Variants in LRSAM1 observed in about 807,000 individuals in gnomAD.
LRSAM1 encodes leucine rich repeat and sterile alpha motif containing 1, also known as E3 ubiquitin-protein ligase LRSAM1.
A neutral mutation model predicts 118.1 loss-of-function variants in LRSAM1; 96 were observed. The ratio of observed to expected loss-of-function variants is 0.81; its 90% CI spans 0.69 to 0.96. LRSAM1 has a LOEUF of 0.96. Among genes scored for constraint, LRSAM1 ranks in the 40% least tolerant of loss-of-function variants. LRSAM1 has a pLI of 0.00. For synonymous variants in LRSAM1, 322 were observed against 364.2 expected, an observed-to-expected ratio of 0.88 and a Z score of 1.32; for missense variants, 804 against 915.5, an observed-to-expected ratio of 0.88 and a Z score of 1.57.
intron 21 of LRSAM1, among the ~76,000 whole-genome samples, chr9:127,493,352 G>A (rs1052742408): frequency 1.6e-4 from 25 of 152,132 alleles, no homozygotes; most frequent in African/African-American, 6.0e-4. Flanking sequence ...ATGAGCCACC[G>A]CGCCTAGCCT....
chr9:127,479,107 A>G (rs1564269009), intron 12 of LRSAM1, 144 bp downstream of exon 12: 34 of 958,114 alleles, frequency 3.5e-5, no homozygotes, highest in Non-Finnish European at 4.2e-5. Flanking sequence ...AGTCTGCTGC[A>G]TCCTCACATG....
chr9:127,472,460 G>A (rs1019435545), intron 10 of LRSAM1, among the ~76,000 whole-genome samples: 1 of 151,862 alleles, frequency 6.6e-6, no homozygotes, highest in Non-Finnish European at 1.5e-5. Flanking sequence ...TTACCAACAT[G>A]CGGAAACCCT....
intron 10 of LRSAM1, among the ~76,000 whole-genome samples, chr9:127,469,690 G>A (rs1009231702): frequency 2.0e-5 from 3 of 151,584 alleles, no homozygotes; most frequent in South Asian, 4.2e-4. Context: ...TAGGCCGGGC[G>A]CGGTGGCTCG....
intron 21 of LRSAM1, among the ~76,000 whole-genome samples, chr9:127,494,681 C>T (rs570621152): frequency 2.0e-5 from 3 of 152,208 alleles, no homozygotes; most frequent in South Asian, 4.1e-4. Flanking sequence ...CAGTGGCTCA[C>T]GCCTGTAATC....
At chr9:127,479,736 T>C (rs1455529987) in intron 13 of LRSAM1, 103 bp from the exon 14 acceptor site, 32 of 1,497,364 alleles carry the variant, frequency 2.1e-5, no homozygotes, top group Non-Finnish European at 2.7e-5. Context: ...ACAAAAAGGA[T>C]TGGCAAGGCA....
chr9:127,496,898 G>T (rs2132115079), intron 23 of LRSAM1, among the ~76,000 whole-genome samples: 1 of 152,354 alleles, frequency 6.6e-6, no homozygotes, highest in Admixed American at 6.5e-5. Flanking sequence ...GGCCTCCAAG[G>T]CTTCTCTCCT....
At chr9:127,499,959 T>C (rs1005637014) in intron 24 of LRSAM1, among the ~76,000 whole-genome samples, 1 of 151,298 alleles carries the variant, frequency 6.6e-6, no homozygotes, top group Admixed American at 6.6e-5. Flanking sequence ...TTTCCTGTTA[T>C]AAAAAATAAT....
intron 10 of LRSAM1, among the ~76,000 whole-genome samples, chr9:127,472,239 C>T (rs541876340): frequency 3.3e-5 from 5 of 150,988 alleles, no homozygotes; most frequent in Admixed American, 6.6e-5. Context: ...GGATTACAGG[C>T]GTGAGACACC....
At chr9:127,457,709 G>A (rs948680550) in intron 6 of LRSAM1, among the ~76,000 whole-genome samples, 7 of 152,188 alleles carry the variant, frequency 4.6e-5, no homozygotes, top group Admixed American at 1.3e-4. Flanking sequence ...GAGGAGGGAC[G>A]CGCAGGTGAT....
intron 11 of LRSAM1, 100 bp from the exon 12 acceptor site, chr9:127,478,834 A>G: frequency 1.7e-6 from 2 of 1,177,220 alleles, no homozygotes; most frequent in Non-Finnish European, 2.6e-6. Flanking sequence ...GGTGGGCCAG[A>G]GTTTGTATAA....
intron 18 of LRSAM1, 111 bp from the exon 19 acceptor site, chr9:127,489,333 A>C: frequency 1.6e-6 from 2 of 1,274,658 alleles, no homozygotes; most frequent in South Asian, 2.6e-5. Flanking sequence ...CTCTCAGAAA[A>C]AACCCATCCA....
chr9:127,495,321 C>T lies in LRSAM1; in HGVS notation c.1601C>T (p.Thr534Met), dbSNP rs141542114. ...CATTGCCTGCTTCATTCCTGGCAGA[C>T]GGAGTTAGAAGCCAAAAGTGAAACC... is the stretch of plus-strand genomic sequence containing the variant. ...QREEELREILTELEAKSETRQ... is the reference protein window; with the variant it reads ...QREEELREILMELEAKSETRQ... Residue 534 changes from threonine to methionine, a missense_variant and splice_region_variant, in exon 22 of 26, where the codon ACG (threonine) becomes ATG (methionine). Thr to Met is a moderately conservative substitution (Grantham distance 81, BLOSUM62 -1). Coordinates refer to ENST00000300417, the MANE Select transcript of LRSAM1 (RefSeq NM_001005373.4). The T allele has an allele frequency of 1.5e-4, 248 of 1,613,710 alleles. No homozygotes were observed. Among genetic ancestry groups the T allele is most frequent in the East Asian group, 5.6e-4 (25 of 44,882 alleles).
chr9:127,457,218 TG>T (rs1226698611), intron 5 of LRSAM1, 97 bp from the exon 6 acceptor site: 1 of 1,325,438 alleles, frequency 7.5e-7, no homozygotes, highest in Non-Finnish European at 1.1e-6. Flanking sequence ...AGCAAGATGG[TG>T]GGGCGTGGCA....
At chr9:127,462,821 C>T (rs1210725389) in intron 9 of LRSAM1, among the ~76,000 whole-genome samples, 1 of 151,336 alleles carries the variant, frequency 6.6e-6, no homozygotes, top group Non-Finnish European at 1.5e-5. Flanking sequence ...CACATGTACT[C>T]CTGAGCTTAA....
Position 127,479,491 on chromosome 9 carries a change from C to T in LRSAM1, c.889C>T (p.Gln297Ter). The change falls in exon 13 of 26, where the codon CAG becomes TAG. Residue 297 changes from glutamine to a stop codon, truncating the protein, a stop_gained. Transcript: ENST00000300417. LOFTEE classifies it high-confidence loss of function. ...CAGCAGCCAGAAGGATGAGATCCTT[C>T]AGACGGTCAAGGAGGTTTGTGAGCC... ...QSSSQKDEILQTVKEEQSRLE... is the reference protein window; with the variant it reads ...QSSSQKDEIL The T allele has an allele frequency of 1.2e-6, 2 of 1,614,010 alleles. No homozygotes were observed. Among genetic ancestry groups the T allele is most frequent in the Non-Finnish European group, 1.7e-6 (2 of 1,179,974 alleles).
chr9:127,481,318 T>A, intron 15 of LRSAM1, 91 bp downstream of exon 15: 2 of 1,433,598 alleles, frequency 1.4e-6, no homozygotes, highest in Non-Finnish European at 9.6e-7. Context: ...AGTGGCACAA[T>A]CTCGGCTCAG....
chr9:127,492,866 A>C lies in LRSAM1; in HGVS notation c.1568A>C (p.Gln523Pro). The C allele has an allele frequency of 6.2e-7, 1 of 1,614,120 alleles. No homozygotes were observed. The highest frequency in any genetic ancestry group is 8.5e-7 in the Non-Finnish European group (1 of 1,180,046). The change falls in exon 21 of 26, where the codon CAG becomes CCG. Residue 523 changes from glutamine (Q) to proline (P), a missense_variant. Physicochemically the swap from Gln to Pro is moderately conservative, Grantham distance 76. Coordinates refer to ENST00000300417, the MANE Select transcript of LRSAM1 (RefSeq NM_001005373.4). ...CTCCAGCAGCTGCTCAAAGAGAAGC[A>C]GCAGCGAGAGGAAGAGCTCCGGGAA... is the stretch of plus-strand genomic sequence containing the variant. Reference protein sequence around the residue: ...SLLQQLLKEKQQREEELREIL... With the variant: ...SLLQQLLKEKPQREEELREIL...
intron 18 of LRSAM1, 131 bp from the exon 19 acceptor site, chr9:127,489,313 T>C: frequency 1.9e-6 from 2 of 1,075,440 alleles, no homozygotes; most frequent in Non-Finnish European, 2.7e-6. Flanking sequence ...TGAGGTGAAA[T>C]CTTCTCCCTC....
intron 11 of LRSAM1, among the ~76,000 whole-genome samples, chr9:127,477,823 G>T (rs1181810709): frequency 6.6e-6 from 1 of 152,112 alleles, no homozygotes; most frequent in Non-Finnish European, 1.5e-5. Context: ...CGAGGCAAAT[G>T]GATCACCTGA....
Sources: allele counts gnomAD v4.1 joint callset (sites outside exome capture counted in the v4.1 genomes callset), GRCh38; gene constraint gnomAD v4.1.1; transcripts MANE v1.5; gene names NCBI Gene and HGNC (gene_info 2026-07-23, HGNC 2026-07-21).